HOXD13: variants seen among roughly 807,000 people sequenced by gnomAD.
HOXD13 encodes the protein homeobox protein Hox-D13.
HOXD13 carries 16 observed loss-of-function variants against 27.3 expected under a neutral mutation model. The observed-to-expected ratio is 0.59, with a 90% CI of 0.40 to 0.89. The LOEUF is 0.89. Ranked by LOEUF, HOXD13 falls within the 40% of genes least tolerant of loss-of-function variation. The pLI, the probability that HOXD13 is intolerant of heterozygous loss-of-function variation, is 0.00. For synonymous variants in HOXD13, 241 were observed against 219.0 expected (o/e 1.10, Z -0.89); for missense variants, 481 against 482.6 (o/e 1.00, Z 0.03).
chr2:176,093,057 GGGCGGCGGCGGCGGCAGCGGCGGCTGC>G lies in HOXD13; in HGVS notation c.186_212del (p.Ala63_Ala71del), dbSNP rs760539494. 232 of 1,369,900 alleles carry G rather than the reference GGGCGGCGGCGGCGGCAGCGGCGGCTGC, an allele frequency of 1.7e-4. 13 individuals carry two copies. The highest frequency in any genetic ancestry group is 7.8e-4 in the South Asian group (43 of 54,940). The allele number at this position is 1,369,900 out of a possible 1,614,324, so 84.9% of individuals were successfully genotyped here. A position where few individuals can be genotyped will look rare whatever the true frequency, so the allele number is the denominator to read the frequency against. ...GTGTTCGCCGGGACGCATTCGGGGC[GGGCGGCGGCGGCGGCAGCGGCGGCTGC>G]GGCGGCGGCGGCGGCAGCCTCCGGC... On this transcript the variant is annotated inframe_deletion, in exon 1 of 2. Transcript: ENST00000392539.
rs1255918627 is a variant in HOXD13, at chr2:176,094,979, T to C, written c.*249T>C. On this transcript the variant is annotated 3_prime_UTR_variant, in exon 2 of 2. Transcript: ENST00000392539. ...GCCTAGGGTTTTTAAAATATCTGTTTTTAATGTTTTGTTTCTCCCTCCAGG... is the reference window on the plus strand; with the variant it reads ...GCCTAGGGTTTTTAAAATATCTGTTCTTAATGTTTTGTTTCTCCCTCCAGG... The C allele has an allele frequency of 3.9e-6, 2 of 510,202 alleles. No homozygotes were observed. The highest frequency in any genetic ancestry group is 1.9e-5 in the African/African-American group (1 of 52,482). 31.6% of individuals were successfully genotyped at this position (510,202 alleles called of 1,614,324 possible). A position where few individuals can be genotyped will look rare whatever the true frequency, so the allele number is the denominator to read the frequency against.
rs2105379089 is a variant in HOXD13, at chr2:176,093,510, T to C, written c.620T>C (p.Ile207Thr). 6.2e-7 allele frequency: 1 copy of C among 1,614,040 alleles called. No individual in the cohort carries two copies. The highest frequency in any genetic ancestry group is 8.5e-7 in the Non-Finnish European group (1 of 1,180,036). Reference protein sequence around the residue: ...TSPYQHVPGYIDMVSTFGSGE... With the variant: ...TSPYQHVPGYTDMVSTFGSGE... ...CCTTACCAGCACGTGCCCGGCTATA[T>C]CGACATGGTGTCCACTTTCGGCTCC... The change falls in exon 1 of 2, where the codon ATC becomes ACC. Residue 207 changes from isoleucine (I) to threonine (T), a missense_variant. By Grantham distance (89) the Ile-to-Thr change is moderately conservative (BLOSUM62 -1). Coordinates refer to ENST00000392539, the MANE Select transcript of HOXD13 (RefSeq NM_000523.4).
At chr2:176,090,497 A>C (rs1214572978), upstream of HOXD13, among the ~76,000 whole-genome samples, 4 of 152,250 alleles carry the variant, frequency 2.6e-5, no homozygotes, top group Admixed American at 6.5e-5. Context: ...TGAAATCAAC[A>C]AAACTTGACA....
upstream of HOXD13, among the ~76,000 whole-genome samples, chr2:176,090,938 A>G (rs1056897418): frequency 2.6e-5 from 4 of 152,192 alleles, no homozygotes; most frequent in Admixed American, 2.0e-4. Context: ...CAAATAGTGA[A>G]AAAAATTTTC....
chr2:176,093,936 C>T (rs1689372983), intron 1 of HOXD13, among the ~76,000 whole-genome samples: 1 of 152,198 alleles, frequency 6.6e-6, no homozygotes, highest in Non-Finnish European at 1.5e-5. Flanking sequence ...TCTCTGCGTG[C>T]CCTTTCCTTG....
At chr2:176,088,023 G>T (rs1450380438), upstream of HOXD13, among the ~76,000 whole-genome samples, 1 of 152,276 alleles carries the variant, frequency 6.6e-6, no homozygotes, top group Non-Finnish European at 1.5e-5. Context: ...GAAGCCCCGC[G>T]TCTGCCGCTG....
At chr2:176,092,590 C>CA (rs906167521), upstream of HOXD13, among the ~76,000 whole-genome samples, 1 of 152,112 alleles carries the variant, frequency 6.6e-6, no homozygotes, top group African/African-American at 2.4e-5. Flanking sequence ...TTCCTACCCC[C>CA]ACGTGGCCGC....
upstream of HOXD13, among the ~76,000 whole-genome samples, chr2:176,092,223 A>G (rs573118095): frequency 6.6e-6 from 1 of 152,358 alleles, no homozygotes; most frequent in East Asian, 1.9e-4. Flanking sequence ...TTTGGGGTCT[A>G]GAAGTCGACT....
rs1222250654 is a variant in HOXD13 at position 176,093,064 on chromosome 2, G to T, written c.174G>T (p.Ala58=). ...VFAGTHSGRA[A]AAAAAAAAAA... ...CCGGGACGCATTCGGGGCGGGCGGC[G>T]GCGGCGGCAGCGGCGGCTGCGGCGG... Residue 58 remains alanine (A), a synonymous_variant, in exon 1 of 2, where the codon GCG becomes GCT. Transcript: ENST00000392539. The T allele has an allele frequency of 2.2e-6, 3 of 1,378,896 alleles. No individual in the cohort carries two copies. In the African/African-American group the frequency reaches 4.6e-5, roughly 21 times the overall value. The allele number at this position is 1,378,896 out of a possible 1,614,324, so 85.4% of individuals were successfully genotyped here. A position where few individuals can be genotyped will look rare whatever the true frequency, so the allele number is the denominator to read the frequency against.
In HOXD13 at chr2:176,092,987, G is replaced by T. The variant is rs1351981979; in HGVS notation, c.97G>T (p.Ala33Ser). ...CTCTTCCTCCTCCTCATCGGTGGCG[G>T]CGGCGGCGGCGTCAGGCCAGTGCCG... The part of the protein sequence containing the change: ...PASSSSSSVA[A>S]AAASGQCRGF... The change falls in exon 1 of 2, where the codon GCG becomes TCG. Residue 33 changes from alanine to serine, a missense_variant. Coordinates refer to ENST00000392539, the MANE Select transcript of HOXD13 (RefSeq NM_000523.4). The T allele has an allele frequency of 7.4e-7, 1 of 1,351,952 alleles. No individual in the cohort carries two copies. Among genetic ancestry groups the T allele is most frequent in the South Asian group, 1.8e-5 (1 of 54,846 alleles). The allele number at this position is 1,351,952 out of a possible 1,614,324, so 83.7% of individuals were successfully genotyped here. A position where few individuals can be genotyped will look rare whatever the true frequency, so the allele number is the denominator to read the frequency against.
Position 176,093,412 on chromosome 2 carries a change from G to A in HOXD13, c.522G>A (p.Ala174=), listed in dbSNP as rs2105378855. 6.2e-7 allele frequency: 1 copy of A among 1,613,968 alleles called. No homozygotes were observed. The highest frequency in any genetic ancestry group is 8.5e-7 in the Non-Finnish European group (1 of 1,180,018). The part of the protein sequence containing the change: ...VEKYMDVSGL[A]SSSVPANEVP... ...AGTACATGGACGTGTCAGGCCTGGC[G>A]AGCAGCAGCGTACCGGCCAACGAGG... The change falls in exon 1 of 2, where the codon GCG becomes GCA. Residue 174 remains alanine (A), a synonymous_variant. Coordinates refer to ENST00000392539, the MANE Select transcript of HOXD13 (RefSeq NM_000523.4).
Position 176,094,835 on chromosome 2 carries a change from T to C in HOXD13, c.*105T>C. 9.9e-7 allele frequency: 1 copy of C among 1,005,448 alleles called. No individual in the cohort carries two copies. Among genetic ancestry groups the C allele is most frequent in the Non-Finnish European group, 1.6e-6 (1 of 642,588 alleles). 62.3% of individuals were successfully genotyped at this position (1,005,448 alleles called of 1,614,324 possible). ...TTTAATTCCCCCCACCCCCTGCCAA[T>C]GGTGGCAAATTTTGTGAATTGTTTT... On this transcript the variant is annotated 3_prime_UTR_variant, in exon 2 of 2. Transcript: ENST00000392539.
chr2:176,091,074 C>T (rs912251338), upstream of HOXD13, among the ~76,000 whole-genome samples: 1 of 152,208 alleles, frequency 6.6e-6, no homozygotes, highest in African/African-American at 2.4e-5. Flanking sequence ...TCCTTTCCAA[C>T]ACCCCTCTCA....
Position 176,093,510 on chromosome 2 carries a change from T to A in HOXD13, c.620T>A (p.Ile207Asn). 1 of 1,614,040 alleles carries A rather than the reference T, an allele frequency of 6.2e-7. No homozygotes were observed. The highest frequency in any genetic ancestry group is 8.5e-7 in the Non-Finnish European group (1 of 1,180,036). ...CCTTACCAGCACGTGCCCGGCTATA[T>A]CGACATGGTGTCCACTTTCGGCTCC... ...TSPYQHVPGY[I>N]DMVSTFGSGE... Residue 207 changes from isoleucine to asparagine, a missense_variant, in exon 1 of 2, where the codon ATC becomes AAC. Physicochemically the swap from Ile to Asn is moderately radical, Grantham distance 149 (BLOSUM62 -3). Transcript: ENST00000392539.
chr2:176,088,166 G>A (rs556662470), upstream of HOXD13, among the ~76,000 whole-genome samples: 6 of 152,402 alleles, frequency 3.9e-5, no homozygotes, highest in East Asian at 1.2e-3. Flanking sequence ...GACCGCGAAA[G>A]CCTGGGCTTC....
the HOXD13 span, among the ~76,000 whole-genome samples, chr2:176,087,490 G>A: frequency 6.6e-6 from 1 of 152,360 alleles, no homozygotes; most frequent in African/African-American, 2.4e-5. Flanking sequence ...TCCTACCTCA[G>A]GTGATCCGCC....
In HOXD13 at chr2:176,093,408, T is replaced by C. The variant is rs1165945994; in HGVS notation, c.518T>C (p.Leu173Pro). ...PVEKYMDVSGLASSSVPANEV... is the reference protein window; with the variant it reads ...PVEKYMDVSGPASSSVPANEV... ...GAGAAGTACATGGACGTGTCAGGCC[T>C]GGCGAGCAGCAGCGTACCGGCCAAC... Residue 173 changes from leucine to proline, a missense_variant, in exon 1 of 2, where the codon CTG becomes CCG. Transcript: ENST00000392539. The C allele has an allele frequency of 1.2e-6, 2 of 1,613,762 alleles. No homozygotes were observed. The highest frequency in any genetic ancestry group is 8.5e-7 in the Non-Finnish European group (1 of 1,180,034).
upstream of HOXD13, among the ~76,000 whole-genome samples, chr2:176,092,289 A>G (rs894852602): frequency 1.3e-5 from 2 of 152,216 alleles, no homozygotes; most frequent in African/African-American, 4.8e-5. Context: ...CATCATTCTG[A>G]TCATCTCTGT....
upstream of HOXD13, among the ~76,000 whole-genome samples, chr2:176,092,390 C>A (rs847196): frequency 6.6e-6 from 1 of 151,802 alleles, no homozygotes; most frequent in Non-Finnish European, 1.5e-5. Flanking sequence ...CCTTGGCGCC[C>A]GCCTCAGTCG....
Sources: allele counts gnomAD v4.1 joint callset (sites outside exome capture counted in the v4.1 genomes callset), GRCh38; gene constraint gnomAD v4.1.1; transcripts MANE v1.5; gene names NCBI Gene and HGNC (gene_info 2026-07-23, HGNC 2026-07-21).